Variants in PTPRC observed in about 807,000 individuals in gnomAD.
PTPRC encodes the protein protein tyrosine phosphatase receptor type C.
Under a neutral mutation model 155.9 loss-of-function variants are expected in PTPRC, and 44 were observed. The ratio of observed to expected loss-of-function variants is 0.28; its 90% confidence interval spans 0.22 to 0.36. The LOEUF (loss-of-function observed/expected upper bound fraction) is 0.36, where lower values mean the gene tolerates loss of function less well. PTPRC is among the 10% of genes least tolerant of loss of function. PTPRC has a pLI of 1.00. For missense variants in PTPRC, 1,401 were observed against 1,564.6 expected (o/e 0.90, Z 1.76); for synonymous variants, 525 against 533.1 (o/e 0.98, Z 0.21).
At chr1:198,689,121 G>GT (rs1227296899) in intron 2 of PTPRC, among the ~76,000 whole-genome samples, 1 of 152,042 alleles carries the variant, frequency 6.6e-6, no homozygotes, top group East Asian at 1.9e-4. Flanking sequence ...CTCCGTTTTG[G>GT]TAATTTACCT....
At chr1:198,685,158 C>G (rs927210116) in intron 2 of PTPRC, among the ~76,000 whole-genome samples, 1 of 151,958 alleles carries the variant, frequency 6.6e-6, no homozygotes, top group Non-Finnish European at 1.5e-5. Flanking sequence ...AAGTCCTTTA[C>G]TCATGAGATT....
At chr1:198,746,174 C>A (rs1655125367) in intron 26 of PTPRC, among the ~76,000 whole-genome samples, 1 of 151,708 alleles carries the variant, frequency 6.6e-6, no homozygotes, top group Admixed American at 6.6e-5. Context: ...CTTAGCCAAG[C>A]CTAAAACTAA....
At chr1:198,654,681 G>C (rs898154565) in intron 2 of PTPRC, among the ~76,000 whole-genome samples, 5 of 151,594 alleles carry the variant, frequency 3.3e-5, no homozygotes, top group Non-Finnish European at 7.4e-5. Flanking sequence ...CTTTATAAGA[G>C]AATAATATAT....
rs769521927 is a variant in PTPRC, at chr1:198,639,260, C to T, written c.-9C>T. Reference sequence around the variant, plus strand: ...TGCTGTTTCTTAGGGACACGGCTGACTTCCAGATATGACCATGTATTTGTG... The same window carrying T: ...TGCTGTTTCTTAGGGACACGGCTGATTTCCAGATATGACCATGTATTTGTG... On this transcript the variant is annotated 5_prime_UTR_variant, in exon 2 of 33. Transcript: ENST00000442510. The T allele has an allele frequency of 1.2e-6, 2 of 1,613,108 alleles. No homozygotes were observed. The highest frequency in any genetic ancestry group is 2.2e-5 in the South Asian group (2 of 91,060).
At position 198,702,531 on chromosome 1, in the gene PTPRC, G is replaced by A. The variant is rs137869655; in HGVS notation, c.583+1G>A. The A allele has an allele frequency of 1.2e-5, 20 of 1,613,992 alleles. No individual in the cohort carries two copies. The highest frequency in any genetic ancestry group is 1.7e-5 in the Non-Finnish European group (20 of 1,180,018). The stretch of plus-strand genomic sequence containing the variant: ...ACCACCATCACAGCGAACACCTCAG[G>A]TCTGACTATGCTGCTCTAGTAGTGT... On this transcript the variant is annotated splice_donor_variant, in intron 6 of 32. Coordinates refer to ENST00000442510, the MANE Select transcript of PTPRC (RefSeq NM_002838.5). LOFTEE classifies it high-confidence loss of function.
chr1:198,727,115 C>A (rs922813727), intron 15 of PTPRC, among the ~76,000 whole-genome samples: 2 of 152,112 alleles, frequency 1.3e-5, no homozygotes, highest in East Asian at 3.8e-4. Context: ...CACGCCTCGG[C>A]CTCCCAAAGT....
chr1:198,755,836 A>ATCT lies in PTPRC; in HGVS notation c.3646-67_3646-65dup, dbSNP rs1413922612. On this transcript the variant is annotated intron_variant, in intron 32 of 32. Transcript: ENST00000442510. ...ACAAATAAATCATTAGTTCTTGCTA[A>ATCT]TCTTCATCTGGCATAAAAATAATGA... The ATCT allele has an allele frequency of 2.7e-6, 4 of 1,471,592 alleles. No homozygotes were observed. The African/African-American group carries it at 5.6e-5, about 21-fold the overall frequency. 91.2% of individuals were successfully genotyped at this position (1,471,592 alleles called of 1,614,324 possible). A position where few individuals can be genotyped will look rare whatever the true frequency, so the allele number is the denominator to read the frequency against.
intron 28 of PTPRC, 148 bp from the exon 29 acceptor site, chr1:198,750,344 A>ATTGT: frequency 1.2e-6 from 1 of 814,736 alleles, no homozygotes; most frequent in Non-Finnish European, 2.1e-6. Flanking sequence ...TAGCTATTAC[A>ATTGT]TTGTTTCTTG....
intron 17 of PTPRC, among the ~76,000 whole-genome samples, chr1:198,730,377 A>G (rs1654331168): frequency 6.6e-6 from 1 of 152,132 alleles, no homozygotes. Flanking sequence ...TCATTTGGTC[A>G]TTGACTATCC....
chr1:198,747,979 T>C (rs1168670193), intron 26 of PTPRC, 130 bp from the exon 27 acceptor site: 5 of 1,360,034 alleles, frequency 3.7e-6, no homozygotes, highest in Non-Finnish European at 4.9e-6. Context: ...CGAAAAATTA[T>C]GGCCTATAGG....
intron 2 of PTPRC, among the ~76,000 whole-genome samples, chr1:198,659,788 C>T (rs1005137228): frequency 1.3e-5 from 2 of 151,732 alleles, no homozygotes; most frequent in South Asian, 2.1e-4. Flanking sequence ...GTGATCTGCC[C>T]GCCTTGGCCT....
At chr1:198,717,568 A>C (rs374691603) in intron 13 of PTPRC, among the ~76,000 whole-genome samples, 146 of 152,288 alleles carry the variant, frequency 9.6e-4, no homozygotes, top group African/African-American at 3.5e-3. Flanking sequence ...AAGGTCATTT[A>C]GGTTTTGGTT....
intron 32 of PTPRC, 79 bp downstream of exon 32, chr1:198,754,483 C>T: frequency 6.7e-7 from 1 of 1,485,556 alleles, no homozygotes; most frequent in Non-Finnish European, 9.3e-7. Context: ...TTCTTTTCTC[C>T]TCTCCTTTCC....
intron 27 of PTPRC, 74 bp from the exon 28 acceptor site, chr1:198,749,342 C>G (rs967382475): frequency 1.4e-6 from 2 of 1,442,200 alleles, no homozygotes; most frequent in South Asian, 2.3e-5. Flanking sequence ...TAAATACTTT[C>G]AAATTTCCAC....
chr1:198,755,042 T>G (rs933838239), intron 32 of PTPRC, among the ~76,000 whole-genome samples: 3 of 152,090 alleles, frequency 2.0e-5, no homozygotes, highest in Admixed American at 1.3e-4. Context: ...AGAAGACTTG[T>G]GTGAGACCAC....
intron 15 of PTPRC, among the ~76,000 whole-genome samples, chr1:198,728,138 T>C (rs1654225484): frequency 1.3e-5 from 2 of 152,182 alleles, no homozygotes; most frequent in South Asian, 4.1e-4. Context: ...ATATAAAATG[T>C]TTTCATTGGT....
At chr1:198,638,910 C>T (rs1662410096), upstream of PTPRC, 2 of 217,666 alleles carry the variant, frequency 9.2e-6, no homozygotes, top group African/African-American at 4.6e-5. Flanking sequence ...TTTTAAAAGG[C>T]TTTCTAACTT....
chr1:198,699,142 C>T (rs1174165054), intron 4 of PTPRC, among the ~76,000 whole-genome samples: 7 of 152,202 alleles, frequency 4.6e-5, no homozygotes, highest in Admixed American at 3.3e-4. Context: ...AGATGTCTGT[C>T]ACATCTCTTG....
In PTPRC at chr1:198,699,616, G is replaced by A. The variant is rs1486618818; in HGVS notation, c.351G>A (p.Thr117=). 1.9e-6 allele frequency: 3 copies of A among 1,614,090 alleles called. No individual in the cohort carries two copies. Among genetic ancestry groups the A allele is most frequent in the Non-Finnish European group, 2.5e-6 (3 of 1,180,010 alleles). The change falls in exon 5 of 33, where the codon ACG becomes ACA. Residue 117 remains threonine (T), a synonymous_variant. Transcript: ENST00000442510. Reference sequence around the variant, plus strand: ...TTCCCACGCACGCAGACTCGCAGACGCCCTCTGCTGGAACTGACACGCAGA... The same window carrying A: ...TTCCCACGCACGCAGACTCGCAGACACCCTCTGCTGGAACTGACACGCAGA... ...PHLPTHADSQ[T]PSAGTDTQTF...
Sources: gnomAD v4.1 joint callset for allele counts (sites outside exome capture counted in the v4.1 genomes callset) on GRCh38, gnomAD v4.1.1 for gene constraint, MANE v1.5 for transcripts, NCBI Gene and HGNC (gene_info 2026-07-23, HGNC 2026-07-21) for gene names.